Variants in AREG observed in about 807,000 individuals in gnomAD.
AREG encodes the protein amphiregulin B.
In AREG, 16 loss-of-function variants were observed where a neutral mutation model predicts 28.0. That is an observed-to-expected ratio of 0.57 (90% CI 0.39 to 0.87). AREG has a LOEUF of 0.87. Among genes scored for constraint, AREG ranks in the 40% least tolerant of loss-of-function variants. The pLI is 0.00. For missense variants in AREG, 287 were observed against 309.1 expected (o/e 0.93, Z 0.53); for synonymous variants, 113 against 113.5 (o/e 1.00, Z 0.02).
intron 2 of AREG, among the ~76,000 whole-genome samples, chr4:74,448,373 C>G (rs1391924943): frequency 1.3e-5 from 2 of 152,188 alleles, no homozygotes; most frequent in Non-Finnish European, 2.9e-5. Context: ...GATATTCTAT[C>G]TTTGATACCC....
intron 2 of AREG, among the ~76,000 whole-genome samples, chr4:74,447,368 A>T (rs1719310918): frequency 2.6e-5 from 4 of 152,232 alleles, no homozygotes. Flanking sequence ...TGAGAAGCTG[A>T]TGGAATAATA....
rs746773348 is a variant in AREG, at chr4:74,450,335, C to T, written c.513-45C>T. ...TCTGGAGAATAAGCTTAAAACACAC[C>T]GCACGTTTTTGTGATTATAATTTTT... On this transcript the variant is annotated intron_variant, in intron 3 of 5. Coordinates refer to ENST00000395748, the MANE Select transcript of AREG (RefSeq NM_001657.4). 9,368 of 1,613,552 alleles carry T rather than the reference C, an allele frequency of 5.8e-3. 465 individuals carry two copies. The African/African-American group carries it at 0.1, about 18-fold the overall frequency.
rs1280358296 is a variant in AREG at position 74,450,241 on chromosome 4, G to A, written c.513-139G>A. The A allele has an allele frequency of 2.2e-6, 3 of 1,367,294 alleles. No homozygotes were observed. The East Asian group carries it at 6.9e-5, about 31-fold the overall frequency. The allele number at this position is 1,367,294 out of a possible 1,614,324, so 84.7% of individuals were successfully genotyped here. On this transcript the variant is annotated intron_variant, in intron 3 of 5. Coordinates refer to ENST00000395748, the MANE Select transcript of AREG (RefSeq NM_001657.4). ...GATCCTTAGTTAGAATGCATTCTGT[G>A]TCTCATTATTTAAAATACGAGTATA... is the stretch of plus-strand genomic sequence containing the variant.
At chr4:74,447,026 T>C (rs1719302852) in intron 2 of AREG, among the ~76,000 whole-genome samples, 1 of 152,230 alleles carries the variant, frequency 6.6e-6, no homozygotes, top group Non-Finnish European at 1.5e-5. Context: ...TAAGTAGGAA[T>C]TGTTATCCTC....
chr4:74,448,086 G>C (rs1290547934), intron 2 of AREG, among the ~76,000 whole-genome samples: 1 of 152,200 alleles, frequency 6.6e-6, no homozygotes, highest in Admixed American at 6.5e-5. Context: ...TGTCCATGAT[G>C]TTAGTGCTTA....
rs1422944672 is a variant in AREG, at chr4:74,445,269, C to T, written c.-77C>T. The T allele has an allele frequency of 6.4e-6, 10 of 1,568,184 alleles. No individual in the cohort carries two copies. In the East Asian group the frequency reaches 2.3e-4, roughly 37 times the overall value. Reference sequence around the variant, plus strand: ...GGTCTCCACTCGCTCTTCCAACACCCGCTCGTTTTGGCGGCAGCTCGTGTC... The same window carrying T: ...GGTCTCCACTCGCTCTTCCAACACCTGCTCGTTTTGGCGGCAGCTCGTGTC... On this transcript the variant is annotated 5_prime_UTR_variant, in exon 1 of 6. Transcript: ENST00000395748.
chr4:74,447,011 G>T (rs985110656), intron 2 of AREG, among the ~76,000 whole-genome samples: 4 of 152,130 alleles, frequency 2.6e-5, no homozygotes, highest in African/African-American at 9.7e-5. Context: ...TCTTCACAAT[G>T]ACTTTAAGTA....
chr4:74,450,625 G>A (rs1719366299), intron 4 of AREG, 93 bp downstream of exon 4: 2 of 1,481,724 alleles, frequency 1.3e-6, no homozygotes. Flanking sequence ...TATTTTAGAT[G>A]AATTATTATA....
chr4:74,448,463 T>C (rs1229564059), intron 2 of AREG, among the ~76,000 whole-genome samples: 2 of 152,236 alleles, frequency 1.3e-5, no homozygotes, highest in Non-Finnish European at 2.9e-5. Context: ...TATTTTCTCT[T>C]TACTGAAATC....
chr4:74,450,372 G>GC lies in AREG; in HGVS notation c.513-7dup. 6.2e-7 allele frequency: 1 copy of GC among 1,613,902 alleles called. No individual in the cohort carries two copies. Among genetic ancestry groups the GC allele is most frequent in the Non-Finnish European group, 8.5e-7 (1 of 1,179,832 alleles). On this transcript the variant is annotated splice_region_variant and splice_polypyrimidine_tract_variant and intron_variant, in intron 3 of 5. Coordinates refer to ENST00000395748, the MANE Select transcript of AREG (RefSeq NM_001657.4). ...TGATTATAATTTTTAAATGTGAATT[G>GC]CTTGCAGATGTCAGCAAGAATATTT...
chr4:74,454,924 A>G lies in AREG; in HGVS notation c.*184A>G. 2 of 659,014 alleles carry G rather than the reference A, an allele frequency of 3.0e-6. No individual in the cohort carries two copies. The highest frequency in any genetic ancestry group is 1.7e-5 in the South Asian group (1 of 57,486). 40.8% of individuals were successfully genotyped at this position (659,014 alleles called of 1,614,324 possible). A position where few individuals can be genotyped will look rare whatever the true frequency, so the allele number is the denominator to read the frequency against. On this transcript the variant is annotated 3_prime_UTR_variant, in exon 6 of 6. Transcript: ENST00000395748. ...ATAAAGGTGCACGAAGGTAAAAAGT[A>G]TTTTTTCAAGTTGTAAATAATTTAT... is the stretch of plus-strand genomic sequence containing the variant.
intron 5 of AREG, among the ~76,000 whole-genome samples, chr4:74,454,161 T>G (rs1719424041): frequency 6.6e-6 from 1 of 152,228 alleles, no homozygotes; most frequent in Non-Finnish European, 1.5e-5. Context: ...AAACTCAGTA[T>G]TTATTACATC....
At chr4:74,446,153 C>T (rs2110410565) in intron 1 of AREG, among the ~76,000 whole-genome samples, 1 of 152,026 alleles carries the variant, frequency 6.6e-6, no homozygotes, top group Admixed American at 6.5e-5. Flanking sequence ...TAAAACCTAC[C>T]GAAATAGGCC....
rs938143081 is a variant in AREG at position 74,449,243 on chromosome 4, A to G, written c.507A>G (p.Thr169=). Residue 169 remains threonine, a synonymous_variant, in exon 3 of 6, where the codon ACA becomes ACG. Coordinates refer to ENST00000395748, the MANE Select transcript of AREG (RefSeq NM_001657.4). Reference sequence around the variant, plus strand: ...ATATAGAGCACCTGGAAGCAGTAACATGCAAGTAAGTTTTCCTAAAGCATA... The same window carrying G: ...ATATAGAGCACCTGGAAGCAGTAACGTGCAAGTAAGTTTTCCTAAAGCATA... The part of the protein sequence containing the change: ...CKYIEHLEAV[T]CKCQQEYFGE... The G allele has an allele frequency of 6.2e-6, 10 of 1,613,466 alleles. No homozygotes were observed. The highest frequency in any genetic ancestry group is 8.5e-6 in the Non-Finnish European group (10 of 1,179,826).
chr4:74,447,325 G>A (rs1414708111), intron 2 of AREG, among the ~76,000 whole-genome samples: 2 of 152,152 alleles, frequency 1.3e-5, no homozygotes, highest in Admixed American at 6.5e-5. Flanking sequence ...TGGGACAGGA[G>A]GCATTAGACT....
rs1424181486 is a variant in AREG at position 74,454,771 on chromosome 4, G to C, written c.*31G>C. On this transcript the variant is annotated 3_prime_UTR_variant, in exon 6 of 6. Transcript: ENST00000395748. ...TATTTTCTCACAGGATATCACATTG[G>C]AGTCACTGCCAAGTCATAGCCATAA... The C allele has an allele frequency of 1.0e-5, 7 of 697,232 alleles. No individual in the cohort carries two copies. The highest frequency in any genetic ancestry group is 3.5e-5 in the African/African-American group (2 of 57,058). 43.2% of individuals were successfully genotyped at this position (697,232 alleles called of 1,614,324 possible).
In AREG at chr4:74,447,808, C is replaced by T. The variant is rs1336400130; in HGVS notation, c.310+1026C>T. On this transcript the variant is annotated intron_variant, in intron 2 of 5. Coordinates refer to ENST00000395748, the MANE Select transcript of AREG (RefSeq NM_001657.4). ...GAGTGGGAAGTGAGAAAACCTTTAGCGAACACTCCACTTAATTCCCTTCCT... is the reference window on the plus strand; with the variant it reads ...GAGTGGGAAGTGAGAAAACCTTTAGTGAACACTCCACTTAATTCCCTTCCT... 6.6e-5 allele frequency among the ~76,000 whole-genome samples: 10 copies of T among 152,212 alleles called. No homozygotes were observed. In the East Asian group the frequency reaches 1.9e-3, roughly 29 times the overall value.
At chr4:74,445,760 C>T (rs1719271564) in intron 1 of AREG, among the ~76,000 whole-genome samples, 1 of 152,186 alleles carries the variant, frequency 6.6e-6, no homozygotes, top group African/African-American at 2.4e-5. Context: ...TTGCTGCCTC[C>T]TGCCTAATTC....
At chr4:74,447,893 G>A (rs1719318622) in intron 2 of AREG, among the ~76,000 whole-genome samples, 1 of 152,142 alleles carries the variant, frequency 6.6e-6, no homozygotes, top group African/African-American at 2.4e-5. Context: ...ATTTTTGAAG[G>A]CATGAGATTA....
Sources: allele counts gnomAD v4.1 joint callset (sites outside exome capture counted in the v4.1 genomes callset), GRCh38; gene constraint gnomAD v4.1.1; transcripts MANE v1.5; gene names NCBI Gene and HGNC (gene_info 2026-07-23, HGNC 2026-07-21).